TMCC3: variants seen among roughly 807,000 people sequenced by gnomAD.
TMCC3 encodes the protein transmembrane and coiled-coil domain family 3.
Under a neutral mutation model 40.2 loss-of-function variants are expected in TMCC3, and 28 were observed. The observed-to-expected ratio is 0.70, with a 90% CI of 0.52 to 0.95. The LOEUF is 0.95. Among genes scored for constraint, TMCC3 ranks in the 40% least tolerant of loss-of-function variants. The pLI, the probability that TMCC3 is intolerant of heterozygous loss-of-function variation, is 0.00. For missense variants in TMCC3, 554 were observed against 615.2 expected, an observed-to-expected ratio of 0.90 and a Z score of 1.05; for synonymous variants, 255 against 248.5, an observed-to-expected ratio of 1.03 and a Z score of -0.25.
intron 1 of TMCC3, among the ~76,000 whole-genome samples, chr12:94,582,839 C>T (rs776916061): frequency 1.6e-4 from 25 of 152,090 alleles, no homozygotes; most frequent in Non-Finnish European, 3.4e-4. Flanking sequence ...ATGAGGTCAC[C>T]AGTCAGTCCC....
At chr12:94,629,339 T>C (rs1321838478) in intron 1 of TMCC3, among the ~76,000 whole-genome samples, 1 of 152,108 alleles carries the variant, frequency 6.6e-6, no homozygotes, top group Non-Finnish European at 1.5e-5. Context: ...TCTCTCAGGG[T>C]GGACTCTGGG....
chr12:94,611,340 A>G (rs1217444757), intron 1 of TMCC3, among the ~76,000 whole-genome samples: 3 of 152,200 alleles, frequency 2.0e-5, no homozygotes, highest in Non-Finnish European at 2.9e-5. Flanking sequence ...CCATTAAAAT[A>G]TTGAATACTA....
chr12:94,567,197 C>T lies in TMCC3; in HGVS notation c.*4238G>A, dbSNP rs763401574. On this transcript the variant is annotated 3_prime_UTR_variant, in exon 4 of 4. Coordinates refer to ENST00000261226, the MANE Select transcript of TMCC3 (RefSeq NM_020698.4). ...GTGTTTATTTAAAAAAATAATGGCACCTGCTTTGGATTCATTGATGACACC... is the reference window on the plus strand; with the variant it reads ...GTGTTTATTTAAAAAAATAATGGCATCTGCTTTGGATTCATTGATGACACC... The T allele has an allele frequency of 6.6e-6, 1 of 152,144 alleles. No individual in the cohort carries two copies. Among genetic ancestry groups the T allele is most frequent in the African/African-American group, 2.4e-5 (1 of 41,420 alleles). The allele number at this position is 152,144 out of a possible 1,614,324, so 9.4% of individuals were successfully genotyped here.
intron 1 of TMCC3, chr12:94,616,143 G>C (rs1032406764): frequency 1.3e-5 from 13 of 971,286 alleles, no homozygotes; most frequent in Non-Finnish European, 1.5e-5. Context: ...CAATACAAAT[G>C]TCAGTAATAA....
chr12:94,599,865 C>T (rs1307908612), intron 1 of TMCC3, among the ~76,000 whole-genome samples: 1 of 152,188 alleles, frequency 6.6e-6, no homozygotes, highest in Non-Finnish European at 1.5e-5. Flanking sequence ...GCTACTTCCT[C>T]TATAAAACCT....
At chr12:94,632,079 T>C (rs1779308951) in intron 1 of TMCC3, among the ~76,000 whole-genome samples, 1 of 152,242 alleles carries the variant, frequency 6.6e-6, no homozygotes, top group Admixed American at 6.5e-5. Context: ...TGATTCCATT[T>C]ATACTGCATT....
intron 1 of TMCC3, among the ~76,000 whole-genome samples, chr12:94,650,066 A>G (rs1349326274): frequency 1.3e-5 from 2 of 151,960 alleles, no homozygotes; most frequent in Non-Finnish European, 2.9e-5. Flanking sequence ...GGCGGGGAGG[A>G]CAGCAGAGCG....
intron 1 of TMCC3, among the ~76,000 whole-genome samples, chr12:94,601,722 T>A (rs2068753515): frequency 6.9e-6 from 1 of 144,324 alleles, no homozygotes; most frequent in South Asian, 2.2e-4. Context: ...GACAGGAGAA[T>A]TGCTTGAACC....
In TMCC3 at chr12:94,616,096, G is replaced by GT. The variant is rs375531263; in HGVS notation, c.79-33559dup. ...TCACATTATCTCGGGGTATTCCTGT[G>GT]TTTGTCTCAGAGAAACTCCACGCCC... On this transcript the variant is annotated intron_variant, in intron 1 of 3. Coordinates refer to ENST00000261226, the MANE Select transcript of TMCC3 (RefSeq NM_020698.4). 3,175 of 985,368 alleles carry GT rather than the reference G, an allele frequency of 3.2e-3. 9 individuals are homozygous for GT. The highest frequency in any genetic ancestry group is 0.019 in the Middle Eastern group (37 of 1,914). 61.0% of individuals were successfully genotyped at this position (985,368 alleles called of 1,614,324 possible).
Position 94,578,508 on chromosome 12 carries a change from C to G in TMCC3, c.1017G>C (p.Gln339His). ...GATGCAGGTCCGTCAGGTCATGCAG[C>G]TGGTCCTCCAGTCGCTCATACCTTT... The part of the protein sequence containing the change: ...ERYRYERLED[Q>H]LHDLTDLHQH... Residue 339 changes from glutamine to histidine, a missense_variant, in exon 3 of 4, where the codon CAG (glutamine) becomes CAC (histidine). Physicochemically the swap from Gln to His is conservative, Grantham distance 24. Coordinates refer to ENST00000261226, the MANE Select transcript of TMCC3 (RefSeq NM_020698.4). 6.2e-7 allele frequency: 1 copy of G among 1,614,078 alleles called. No individual in the cohort carries two copies. Among genetic ancestry groups the G allele is most frequent in the Non-Finnish European group, 8.5e-7 (1 of 1,179,966 alleles).
rs63480462 is a variant in TMCC3, at chr12:94,635,660, G to GTTTTTT, written c.78+14687_78+14692dup. Among the ~76,000 whole-genome samples the GTTTTTT allele has an allele frequency of 2.2e-4, 20 of 89,288 alleles. 1 individual carries two copies. Among genetic ancestry groups the GTTTTTT allele is most frequent in the Non-Finnish European group, 2.5e-4 (12 of 48,220 alleles). 58.6% of individuals were successfully genotyped at this position (89,288 alleles called of 152,430 possible). A position where few individuals can be genotyped will look rare whatever the true frequency, so the allele number is the denominator to read the frequency against. ...TGCCTGTTTTTGTGTGTGTATGTGG[G>GTTTTTT]TTTTTTTTTTTTTTTTTTTTTTTGA... On this transcript the variant is annotated intron_variant, in intron 1 of 3. Coordinates refer to ENST00000261226, the MANE Select transcript of TMCC3 (RefSeq NM_020698.4).
At chr12:94,614,349 C>A (rs10466949) in intron 1 of TMCC3, among the ~76,000 whole-genome samples, 4 of 151,942 alleles carry the variant, frequency 2.6e-5, no homozygotes. Context: ...TGGTTACACA[C>A]AGGAATGTGA....
intron 1 of TMCC3, among the ~76,000 whole-genome samples, chr12:94,638,384 A>C (rs1222937151): frequency 2.0e-5 from 3 of 152,170 alleles, no homozygotes; most frequent in African/African-American, 7.2e-5. Context: ...TTCAAAGGAG[A>C]CATTTGCCAC....
In TMCC3 at chr12:94,571,600, A is replaced by C; in HGVS notation, c.1269T>G (p.Thr423=). The C allele has an allele frequency of 3.1e-6, 5 of 1,614,206 alleles. No homozygotes were observed. Among genetic ancestry groups the C allele is most frequent in the Non-Finnish European group, 3.4e-6 (4 of 1,180,036 alleles). Residue 423 remains threonine (T), a synonymous_variant, in exon 4 of 4, where the codon ACT becomes ACG. Coordinates refer to ENST00000261226, the MANE Select transcript of TMCC3 (RefSeq NM_020698.4). ...TGGTGGACACACACACTAAGATGAC[A>C]GTCATGAAGGCCAGGATCACGTTGA... The part of the protein sequence containing the change: ...RCINVILAFM[T]VILVCVSTIA...
chr12:94,571,527 C>A lies in TMCC3; in HGVS notation c.1342G>T (p.Gly448Cys). 2 of 1,614,098 alleles carry A rather than the reference C, an allele frequency of 1.2e-6. No homozygotes were observed. Among genetic ancestry groups the A allele is most frequent in the Non-Finnish European group, 1.7e-6 (2 of 1,180,030 alleles). ...PMMKSRCHIL[G>C]TFFAVTLLAI... Reference sequence around the variant, plus strand: ...AGAAGAGTCACGGCAAAGAAGGTGCCAAGAATGTGGCAGCGACTCTTCATC... The same window carrying A: ...AGAAGAGTCACGGCAAAGAAGGTGCAAAGAATGTGGCAGCGACTCTTCATC... Residue 448 changes from glycine (G) to cysteine (C), a missense_variant, in exon 4 of 4, where the codon GGC becomes TGC. Physicochemically the swap from Gly to Cys is radical, Grantham distance 159 (BLOSUM62 -3). Coordinates refer to ENST00000261226, the MANE Select transcript of TMCC3 (RefSeq NM_020698.4).
rs1414624910 is a variant in TMCC3 at position 94,614,653 on chromosome 12, A to AACTGTTTGCAC, written c.79-32116_79-32115insGTGCAAACAGT. Among the ~76,000 whole-genome samples the AACTGTTTGCAC allele has an allele frequency of 1.9e-3, 294 of 152,264 alleles. 1 individual carries two copies. The highest frequency in any genetic ancestry group is 6.8e-3 in the African/African-American group (281 of 41,526). ...TTTTATTCCAATTGAAACTGTGTGC[A>AACTGTTTGCAC]TCAAGCTCTGTCAACTGTTGCACTC... On this transcript the variant is annotated intron_variant, in intron 1 of 3. Coordinates refer to ENST00000261226, the MANE Select transcript of TMCC3 (RefSeq NM_020698.4).
chr12:94,572,328 TGAGACAGAG>T (rs1566311845), intron 3 of TMCC3, among the ~76,000 whole-genome samples: 120 of 104,098 alleles, frequency 1.2e-3, no homozygotes, highest in African/African-American at 2.3e-3. Context: ...TTTTTTTTTT[TGAGACAGAG>T]TTTCACTCTG....
intron 1 of TMCC3, among the ~76,000 whole-genome samples, chr12:94,597,565 G>A (rs938484053): frequency 6.6e-6 from 1 of 152,100 alleles, no homozygotes; most frequent in Non-Finnish European, 1.5e-5. Flanking sequence ...AGCACTCTGG[G>A]AGGCTGAGGC....
chr12:94,575,837 C>T (rs1054665297), intron 3 of TMCC3, among the ~76,000 whole-genome samples: 2 of 152,122 alleles, frequency 1.3e-5, no homozygotes, highest in Non-Finnish European at 2.9e-5. Context: ...CTTGCTCTGT[C>T]GCCCAGACTG....
Sources: allele counts gnomAD v4.1 joint callset (sites outside exome capture counted in the v4.1 genomes callset), GRCh38; gene constraint gnomAD v4.1.1; transcripts MANE v1.5; gene names NCBI Gene and HGNC (gene_info 2026-07-23, HGNC 2026-07-21).